NUP210L: variants seen among roughly 807,000 people sequenced by gnomAD.
The protein encoded by NUP210L is nuclear pore membrane glycoprotein 210-like.
NUP210L carries 74 observed loss-of-function variants against 208.5 expected under a neutral mutation model. That is an observed-to-expected ratio of 0.35 (90% CI 0.29 to 0.43). The LOEUF (loss-of-function observed/expected upper bound fraction) is 0.43. Among genes scored for constraint, NUP210L ranks in the 20% least tolerant of loss-of-function variants. The pLI is 1.00. For synonymous variants in NUP210L, 780 were observed against 816.9 expected (o/e 0.95, Z 0.77); for missense variants, 1,843 against 2,289.4 (o/e 0.81, Z 3.98).
At chr1:154,058,281 T>TA in intron 21 of NUP210L, 65 bp from the exon 22 acceptor site, 1 of 1,545,470 alleles carries the variant, frequency 6.5e-7, no homozygotes, top group South Asian at 1.2e-5. Context: ...GTCTAACTCT[T>TA]AGAGGGCAGT....
chr1:154,140,075 G>A, intron 4 of NUP210L, 123 bp from the exon 5 acceptor site: 2 of 754,050 alleles, frequency 2.7e-6, no homozygotes, highest in Non-Finnish European at 2.1e-6. Flanking sequence ...TTTTGACTGG[G>A]CATGGTAGCT....
At chr1:154,070,984 T>A (rs761651556) in intron 16 of NUP210L, among the ~76,000 whole-genome samples, 21 of 152,218 alleles carry the variant, frequency 1.4e-4, no homozygotes, top group South Asian at 2.1e-4. Flanking sequence ...TTGTTTACCT[T>A]TTTGGTATAT....
chr1:154,018,132 C>T lies in NUP210L; in HGVS notation c.4653+801G>A, dbSNP rs970949233. Among the ~76,000 whole-genome samples the T allele has an allele frequency of 1.3e-4, 19 of 151,770 alleles. 1 individual carries two copies. The highest frequency in any genetic ancestry group is 4.2e-4 in the South Asian group (2 of 4,786). On this transcript the variant is annotated intron_variant, in intron 33 of 39. Coordinates refer to ENST00000368559, the Ensembl canonical transcript of NUP210L. ...GACTACAGATGTGAGCCACCAGGCC[C>T]GGCTAATTTTTGTATTTTTAGTAGT... is the stretch of plus-strand genomic sequence containing the variant.
At chr1:154,054,707 TGTGA>T in intron 24 of NUP210L, 59 bp downstream of exon 24, 15 of 1,101,960 alleles carry the variant, frequency 1.4e-5, no homozygotes, top group Middle Eastern at 2.0e-4. Context: ...GGTGTGTGTG[TGTGA>T]GAGAGAGAGA....
intron 14 of NUP210L, among the ~76,000 whole-genome samples, chr1:154,097,452 C>A (rs73010796): frequency 0.057 from 8,685 of 152,074 alleles, 837 homozygotes; most frequent in African/African-American, 0.2. Flanking sequence ...ATAAAATAAG[C>A]CTAAGGACAA....
chr1:154,039,319 C>T (rs570327239), intron 27 of NUP210L, among the ~76,000 whole-genome samples: 70 of 151,516 alleles, frequency 4.6e-4, no homozygotes, highest in Admixed American at 7.3e-4. Context: ...CTACAACCTC[C>T]GCCTCCCGAG....
At chr1:154,138,567 C>T (rs1008740184) in intron 5 of NUP210L, among the ~76,000 whole-genome samples, 1 of 152,150 alleles carries the variant, frequency 6.6e-6, no homozygotes, top group Non-Finnish European at 1.5e-5. Context: ...TTTTAGCCAA[C>T]CTCCAATTAA....
rs1419454422 is a variant in NUP210L at position 154,048,203 on chromosome 1, G to A, written c.3484-1834C>T. On this transcript the variant is annotated intron_variant, in intron 25 of 39. Transcript: ENST00000368559. The stretch of plus-strand genomic sequence containing the variant: ...TTATTTTGAAGAAAAAGAGTGGCCT[G>A]ACCCTCCAGATCTTTCTTTTCCAGA... Among the ~76,000 whole-genome samples the A allele has an allele frequency of 5.3e-5, 8 of 152,124 alleles. No homozygotes were observed. The East Asian group carries it at 1.5e-3, about 29-fold the overall frequency.
At chr1:154,103,777 G>A (rs1656608171) in intron 13 of NUP210L, among the ~76,000 whole-genome samples, 1 of 151,592 alleles carries the variant, frequency 6.6e-6, no homozygotes, top group Admixed American at 6.6e-5. Context: ...ATGTTATTCA[G>A]TTTCTGTGCC....
intron 36 of NUP210L, 54 bp downstream of exon 36, chr1:154,001,681 T>C (rs1481293776): frequency 6.4e-7 from 1 of 1,573,354 alleles, no homozygotes; most frequent in Non-Finnish European, 8.7e-7. Flanking sequence ...GAATGAAAAC[T>C]ATCTTTTCAA....
At chr1:154,112,168 C>G (rs890595117) in intron 12 of NUP210L, among the ~76,000 whole-genome samples, 2 of 152,072 alleles carry the variant, frequency 1.3e-5, no homozygotes, top group African/African-American at 4.8e-5. Flanking sequence ...ACCTTGTGAT[C>G]TGCCTGCCTC....
intron 8 of NUP210L, among the ~76,000 whole-genome samples, chr1:154,129,043 A>C (rs2494669): frequency 0.97 from 148,411 of 152,258 alleles, 72,443 homozygotes; most frequent in East Asian, 1. Flanking sequence ...CTTTTCCTAA[A>C]CTCAAAATTG....
At position 154,082,674 on chromosome 1, in the gene NUP210L, C is replaced by T. The variant is rs114112954; in HGVS notation, c.2361+6747G>A. On this transcript the variant is annotated intron_variant, in intron 16 of 39. Transcript: ENST00000368559. ...AGTCACTCTGCTTCCGTAATTGGTT[C>T]CTTCTGGTAGGTTCTTGACCAATTA... Among the ~76,000 whole-genome samples, 1,202 of 152,300 alleles carry T rather than the reference C, an allele frequency of 7.9e-3. 9 individuals carry two copies. The highest frequency in any genetic ancestry group is 0.028 in the African/African-American group (1,151 of 41,558).
intron 37 of NUP210L, among the ~76,000 whole-genome samples, chr1:153,999,802 C>T (rs1269700169): frequency 2.7e-5 from 4 of 148,120 alleles, no homozygotes; most frequent in East Asian, 2.0e-4. Context: ...CTGGCAAACT[C>T]GTGTTAAACT....
At position 154,092,550 on chromosome 1, in the gene NUP210L, G is replaced by GT. The variant is rs760240667; in HGVS notation, c.2187+2384dup. On this transcript the variant is annotated intron_variant, in intron 15 of 39. Transcript: ENST00000368559. The stretch of plus-strand genomic sequence containing the variant: ...ATACCTGGCTAGTTTTTTGTTTTTT[G>GT]TTTTTTTTTTTTTTTTAGCAGAGAT... Among the ~76,000 whole-genome samples, 1,089 of 128,504 alleles carry GT rather than the reference G, an allele frequency of 8.5e-3. 6 individuals carry two copies. The highest frequency in any genetic ancestry group is 0.011 in the African/African-American group (357 of 33,846). 84.3% of individuals were successfully genotyped at this position (128,504 alleles called of 152,430 possible). A position where few individuals can be genotyped will look rare whatever the true frequency, so the allele number is the denominator to read the frequency against.
intron 16 of NUP210L, among the ~76,000 whole-genome samples, chr1:154,085,769 TG>T (rs1655592720): frequency 1.3e-5 from 2 of 152,312 alleles, no homozygotes; most frequent in South Asian, 4.1e-4. Flanking sequence ...GACATAAAGA[TG>T]TATAGATTAA....
At chr1:154,092,145 G>A (rs140948230) in intron 15 of NUP210L, among the ~76,000 whole-genome samples, 68 of 145,100 alleles carry the variant, frequency 4.7e-4, no homozygotes, top group African/African-American at 1.5e-3. Flanking sequence ...GCATGATCTC[G>A]GCTCATTGTA....
intron 25 of NUP210L, among the ~76,000 whole-genome samples, chr1:154,049,806 T>C (rs931843698): frequency 6.6e-6 from 1 of 152,204 alleles, no homozygotes; most frequent in Non-Finnish European, 1.5e-5. Context: ...TAAAAGACTG[T>C]TTCTTTACTA....
chr1:154,024,437 G>A (rs1651740215), intron 30 of NUP210L, among the ~76,000 whole-genome samples: 1 of 152,156 alleles, frequency 6.6e-6, no homozygotes, highest in Non-Finnish European at 1.5e-5. Context: ...ATAGTATATA[G>A]TAGATGTTTA....
Sources: gnomAD v4.1 joint callset for allele counts (sites outside exome capture counted in the v4.1 genomes callset) on GRCh38, gnomAD v4.1.1 for gene constraint, MANE v1.5 for transcripts, NCBI Gene and HGNC (gene_info 2026-07-23, HGNC 2026-07-21) for gene names.